The following CRTAC1 variants were observed in gnomAD, a reference collection of about 807,000 sequenced individuals.
CRTAC1 encodes the protein cartilage acidic protein 1, also known as acidic secreted protein in cartilage.
In CRTAC1, 37 loss-of-function variants were observed where a neutral mutation model predicts 67.8. The observed-to-expected ratio is 0.55, with a 90% CI of 0.42 to 0.72. The LOEUF (loss-of-function observed/expected upper bound fraction) is 0.72. CRTAC1 is among the 30% of genes least tolerant of loss of function. The pLI is 0.00. For synonymous variants in CRTAC1, 348 were observed against 371.0 expected (o/e 0.94, Z 0.71); for missense variants, 780 against 931.6 (o/e 0.84, Z 2.12).
At chr10:97,876,934 G>A (rs1216247497) in intron 14 of CRTAC1, among the ~76,000 whole-genome samples, 2 of 138,594 alleles carry the variant, frequency 1.4e-5, no homozygotes, top group Middle Eastern at 4.1e-3. Context: ...CTAGCTCAAT[G>A]AGGAGGCTCT....
chr10:97,933,183 A>C (rs1184438170), intron 3 of CRTAC1, among the ~76,000 whole-genome samples: 1 of 152,240 alleles, frequency 6.6e-6, no homozygotes, highest in Non-Finnish European at 1.5e-5. Context: ...TCCCTGCTCC[A>C]CACCCCGCCC....
intron 5 of CRTAC1, among the ~76,000 whole-genome samples, chr10:97,910,527 G>C (rs942857019): frequency 1.3e-5 from 2 of 152,178 alleles, no homozygotes; most frequent in Admixed American, 6.5e-5. Context: ...AATAAGAAGA[G>C]TTATCAGAGC....
At chr10:97,896,593 C>T (rs3793699) in intron 9 of CRTAC1, among the ~76,000 whole-genome samples, 26,556 of 152,040 alleles carry the variant, frequency 0.17, 2,342 homozygotes, top group Non-Finnish European at 0.2. Flanking sequence ...GGGCTCTCTC[C>T]TCTCCTTTCC....
intron 2 of CRTAC1, among the ~76,000 whole-genome samples, chr10:97,965,128 C>G (rs1340908027): frequency 6.6e-6 from 1 of 152,196 alleles, no homozygotes; most frequent in East Asian, 1.9e-4. Flanking sequence ...GAGCTGAGAT[C>G]AAAAAGAGAC....
Position 98,001,133 on chromosome 10 carries a change from C to T in CRTAC1, c.224+10005G>A, listed in dbSNP as rs1405505090. Among the ~76,000 whole-genome samples the T allele has an allele frequency of 3.3e-5, 5 of 152,128 alleles. No individual in the cohort carries two copies. The East Asian group carries it at 9.6e-4, about 29-fold the overall frequency. The stretch of plus-strand genomic sequence containing the variant: ...CAGGAAAATACAACTGGTAAAGCTG[C>T]ACCTAATAAATTAGCCTCTACATGT... On this transcript the variant is annotated intron_variant, in intron 2 of 14. Coordinates refer to ENST00000370597, the MANE Select transcript of CRTAC1 (RefSeq NM_018058.7).
chr10:97,938,750 A>T lies in CRTAC1; in HGVS notation c.225-2384T>A, dbSNP rs933533563. 1.9e-4 allele frequency among the ~76,000 whole-genome samples: 29 copies of T among 152,158 alleles called. 1 individual carries two copies. The highest frequency in any genetic ancestry group is 1.0e-3 in the Admixed American group (16 of 15,290). ...AAAGCACTTTCTCATCCTTGGGCTC[A>T]TTTGCCAGAGATGAGGTTGGTGGCC... On this transcript the variant is annotated intron_variant, in intron 2 of 14. Transcript: ENST00000370597.
intron 2 of CRTAC1, among the ~76,000 whole-genome samples, chr10:97,957,952 A>G (rs1435354997): frequency 1.3e-5 from 2 of 152,116 alleles, no homozygotes; most frequent in East Asian, 3.9e-4. Context: ...CCTCCACCCA[A>G]TACCCCCAGG....
intron 2 of CRTAC1, among the ~76,000 whole-genome samples, chr10:97,988,960 C>T (rs1048906086): frequency 6.6e-6 from 1 of 152,174 alleles, no homozygotes; most frequent in Non-Finnish European, 1.5e-5. Flanking sequence ...AAGTAGATTG[C>T]CCTCTGCCAT....
intron 8 of CRTAC1, among the ~76,000 whole-genome samples, chr10:97,899,195 C>T (rs2136562315): frequency 6.6e-6 from 1 of 152,350 alleles, no homozygotes; most frequent in Non-Finnish European, 1.5e-5. Flanking sequence ...CTCTCGCTGT[C>T]CTCTCTGCTG....
intron 2 of CRTAC1, among the ~76,000 whole-genome samples, chr10:97,964,994 G>T (rs2051592067): frequency 6.6e-6 from 1 of 152,190 alleles, no homozygotes; most frequent in African/African-American, 2.4e-5. Flanking sequence ...CCACTGGGCT[G>T]TGCTCTCTCT....
intron 2 of CRTAC1, among the ~76,000 whole-genome samples, chr10:97,942,206 T>C (rs763987754): frequency 5.3e-5 from 8 of 152,196 alleles, no homozygotes; most frequent in Non-Finnish European, 1.2e-4. Flanking sequence ...CAGTAAACTA[T>C]AAGCTTCCTG....
intron 3 of CRTAC1, among the ~76,000 whole-genome samples, chr10:97,930,374 A>C (rs79710388): frequency 6.6e-6 from 1 of 152,162 alleles, no homozygotes; most frequent in African/African-American, 2.4e-5. Flanking sequence ...TTTGCATCCA[A>C]GTGAAATCTG....
Position 98,026,658 on chromosome 10 carries a change from C to A in CRTAC1, c.24+3791G>T, listed in dbSNP as rs1338643091. On this transcript the variant is annotated intron_variant, in intron 1 of 14. Transcript: ENST00000370597. Reference sequence around the variant, plus strand: ...CCCTCCTCCCGCTGAAGATGAAGCTCCAACTTCATCTTCTGTGAGCATGAG... The same window carrying A: ...CCCTCCTCCCGCTGAAGATGAAGCTACAACTTCATCTTCTGTGAGCATGAG... Among the ~76,000 whole-genome samples, 3 of 152,092 alleles carry A rather than the reference C, an allele frequency of 2.0e-5. No individual in the cohort carries two copies. In the South Asian group the frequency reaches 6.2e-4, roughly 32 times the overall value.
chr10:97,942,324 G>C (rs1255062290), intron 2 of CRTAC1, among the ~76,000 whole-genome samples: 1 of 152,188 alleles, frequency 6.6e-6, no homozygotes, highest in Non-Finnish European at 1.5e-5. Context: ...GAAGCCCGTG[G>C]AAGGTACAAA....
chr10:97,936,021 C>G, intron 3 of CRTAC1, 149 bp downstream of exon 3: 1 of 687,766 alleles, frequency 1.5e-6, no homozygotes, highest in Admixed American at 3.1e-5. Context: ...ATTCTGGGAC[C>G]CAGGGAGGTC....
At chr10:97,869,351 T>C (rs12263802) in intron 14 of CRTAC1, 16,125 of 147,428 alleles carry the variant, frequency 0.11, 1,534 homozygotes, top group African/African-American at 0.26. Flanking sequence ...TAGTTACAGG[T>C]GGTGGCCTGT....
chr10:97,960,418 C>A (rs1590240438), intron 2 of CRTAC1, among the ~76,000 whole-genome samples: 1 of 152,234 alleles, frequency 6.6e-6, no homozygotes, highest in South Asian at 2.1e-4. Flanking sequence ...ACACATGCCT[C>A]CATACATACA....
intron 11 of CRTAC1, among the ~76,000 whole-genome samples, chr10:97,888,179 G>T (rs1371668832): frequency 6.6e-6 from 1 of 152,220 alleles, no homozygotes; most frequent in African/African-American, 2.4e-5. Flanking sequence ...AACAGAGAAT[G>T]AGACAGACCC....
At chr10:97,976,694 T>C (rs2051809626) in intron 2 of CRTAC1, among the ~76,000 whole-genome samples, 1 of 152,356 alleles carries the variant, frequency 6.6e-6, no homozygotes, top group South Asian at 2.1e-4. Flanking sequence ...CTTCTTCAGT[T>C]AGAATTTATC....
Sources: gnomAD v4.1 joint callset for allele counts (sites outside exome capture counted in the v4.1 genomes callset) on GRCh38, gnomAD v4.1.1 for gene constraint, MANE v1.5 for transcripts, NCBI Gene and HGNC (gene_info 2026-07-23, HGNC 2026-07-21) for gene names.